ARHGAP32: variants seen among roughly 807,000 people sequenced by gnomAD.
ARHGAP32 encodes Rho GTPase activating protein 32.
In ARHGAP32, 51 loss-of-function variants were observed where a neutral mutation model predicts 186.5. That is an observed-to-expected ratio of 0.27 (90% CI 0.22 to 0.35). The LOEUF (loss-of-function observed/expected upper bound fraction) is 0.35, where lower values mean the gene tolerates loss of function less well. ARHGAP32 is among the 10% of genes least tolerant of loss of function. The pLI is 1.00. For synonymous variants in ARHGAP32, 950 were observed against 964.3 expected, an observed-to-expected ratio of 0.99 and a Z score of 0.27; for missense variants, 2,186 against 2,623.5, an observed-to-expected ratio of 0.83 and a Z score of 3.64.
At chr11:129,056,473 C>T (rs913076730) in intron 10 of ARHGAP32, among the ~76,000 whole-genome samples, 2 of 151,988 alleles carry the variant, frequency 1.3e-5, no homozygotes, top group East Asian at 1.9e-4. Flanking sequence ...TCTCAAATTC[C>T]GGGGTCCAAG....
rs1229188986 is a variant in ARHGAP32, at chr11:129,056,951, CAG to C, written c.963+5327_963+5328del. Among the ~76,000 whole-genome samples, 31 of 152,268 alleles carry C rather than the reference CAG, an allele frequency of 2.0e-4. 1 individual carries two copies. In the South Asian group the frequency reaches 6.4e-3, roughly 32 times the overall value. On this transcript the variant is annotated intron_variant, in intron 10 of 22. Coordinates refer to ENST00000682385, the MANE Select transcript of ARHGAP32 (RefSeq NM_001378024.1). ...CAATCCCTAGGAAAACCACCGGTGA[CAG>C]CCAACACCAAGACGAGGCCCTCGTT... is the stretch of plus-strand genomic sequence containing the variant.
intron 1 of ARHGAP32, among the ~76,000 whole-genome samples, chr11:129,239,663 GA>G (rs1392353739): frequency 6.7e-6 from 1 of 148,958 alleles, no homozygotes; most frequent in Non-Finnish European, 1.5e-5. Flanking sequence ...ATCTCTAATG[GA>G]CCCCCTCACT....
chr11:128,988,216 T>C (rs1282495073), intron 12 of ARHGAP32, 91 bp from the exon 13 acceptor site: 14 of 929,856 alleles, frequency 1.5e-5, no homozygotes, highest in Non-Finnish European at 2.1e-5. Context: ...TTTACAAAAG[T>C]AAAATAAAAT....
At chr11:129,073,599 A>C (rs1357589695) in intron 6 of ARHGAP32, among the ~76,000 whole-genome samples, 1 of 152,112 alleles carries the variant, frequency 6.6e-6, no homozygotes, top group African/African-American at 2.4e-5. Flanking sequence ...AAAACTATAA[A>C]AGGTATGATA....
intron 1 of ARHGAP32, among the ~76,000 whole-genome samples, chr11:129,173,944 T>C (rs951616054): frequency 1.3e-5 from 2 of 152,138 alleles, no homozygotes; most frequent in South Asian, 4.1e-4. Context: ...GGAGCCAAGA[T>C]GGCCAAATAG....
intron 10 of ARHGAP32, among the ~76,000 whole-genome samples, chr11:129,060,336 CATAGATAGATAGATAG>C (rs60434028): frequency 0.1 from 14,845 of 148,502 alleles, 817 homozygotes; most frequent in Middle Eastern, 0.15. Context: ...AGGTGTTACA[CATAGATAGATAGATAG>C]ATAGATAGAT....
intron 12 of ARHGAP32, among the ~76,000 whole-genome samples, chr11:128,988,348 G>T (rs1358486557): frequency 6.6e-6 from 1 of 152,182 alleles, no homozygotes; most frequent in Non-Finnish European, 1.5e-5. Flanking sequence ...CTGGTTCTAT[G>T]TCATGATATT....
intron 11 of ARHGAP32, among the ~76,000 whole-genome samples, chr11:129,010,297 T>A (rs930317649): frequency 6.6e-6 from 1 of 152,240 alleles, no homozygotes; most frequent in Non-Finnish European, 1.5e-5. Flanking sequence ...TTTAGTTTAA[T>A]TAGATCCCAT....
chr11:129,141,113 C>T (rs909032275), intron 2 of ARHGAP32, among the ~76,000 whole-genome samples: 1 of 152,042 alleles, frequency 6.6e-6, no homozygotes, highest in Non-Finnish European at 1.5e-5. Flanking sequence ...AATGGAAAAG[C>T]AAGGAAATAT....
Position 128,969,709 on chromosome 11 carries a change from G to A in ARHGAP32, c.5504C>T (p.Pro1835Leu), listed in dbSNP as rs1305483868. ...ESRHAAKAIS[P>L]EGEDRFYRRH... ...CCTATAGAAGCGGTCCTCTCCCTCG[G>A]GACTGATGGCCTTGGCTGCATGGCG... The change falls in exon 23 of 23, where the codon CCC (proline) becomes CTC (leucine). Residue 1835 changes from proline (P) to leucine (L), a missense_variant. By Grantham distance (98) the Pro-to-Leu change is moderately conservative. Around this residue, in one of 5 missense-constraint regions of ARHGAP32, gnomAD observed 1,502 missense variants for 1,570.0 expected, o/e 0.96. Coordinates refer to ENST00000682385, the MANE Select transcript of ARHGAP32 (RefSeq NM_001378024.1). The surrounding 1 kb of genome is among the most constrained non-coding windows in gnomAD (Gnocchi z 4.8). 1 of 1,614,126 alleles carries A rather than the reference G, an allele frequency of 6.2e-7. No individual in the cohort carries two copies. Among genetic ancestry groups the A allele is most frequent in the Non-Finnish European group, 8.5e-7 (1 of 1,180,026 alleles).
intron 6 of ARHGAP32, among the ~76,000 whole-genome samples, chr11:129,092,347 T>C (rs183486582): frequency 1.1e-3 from 169 of 152,068 alleles, no homozygotes; most frequent in African/African-American, 3.8e-3. Flanking sequence ...TCTTAGGTTG[T>C]AGAGGGATTA....
chr11:129,167,808 C>T (rs1343318022), intron 1 of ARHGAP32, among the ~76,000 whole-genome samples: 4 of 152,018 alleles, frequency 2.6e-5, no homozygotes, highest in East Asian at 1.9e-4. Context: ...CAGTGGTTTT[C>T]GTATAACTTC....
intron 8 of ARHGAP32, among the ~76,000 whole-genome samples, chr11:129,064,330 C>T (rs778309354): frequency 2.7e-4 from 41 of 152,050 alleles, no homozygotes; most frequent in Non-Finnish European, 4.0e-4. Flanking sequence ...AAGATCTCAA[C>T]GCAGGTTGGC....
chr11:129,235,870 G>T (rs1944921776), intron 1 of ARHGAP32, among the ~76,000 whole-genome samples: 2 of 148,162 alleles, frequency 1.3e-5, no homozygotes, highest in Non-Finnish European at 3.0e-5. Flanking sequence ...TTCCATCCAG[G>T]TTGCTGCAAA....
intron 11 of ARHGAP32, among the ~76,000 whole-genome samples, chr11:129,028,696 A>G (rs780763247): frequency 4.6e-5 from 7 of 152,232 alleles, no homozygotes; most frequent in South Asian, 2.1e-4. Context: ...AATTTAGTGA[A>G]TATGTGAAAT....
chr11:129,229,269 G>C (rs1944826782), intron 1 of ARHGAP32, among the ~76,000 whole-genome samples: 1 of 152,140 alleles, frequency 6.6e-6, no homozygotes, highest in South Asian at 2.1e-4. Context: ...AGTGTGTACT[G>C]ACAGAAAACC....
chr11:129,034,415 T>C (rs1939239048), intron 11 of ARHGAP32, among the ~76,000 whole-genome samples: 1 of 152,134 alleles, frequency 6.6e-6, no homozygotes, highest in Non-Finnish European at 1.5e-5. Flanking sequence ...TTTCCAGAAG[T>C]TAATGCCTCA....
intron 5 of ARHGAP32, among the ~76,000 whole-genome samples, chr11:129,111,745 T>C (rs1942222636): frequency 6.6e-6 from 1 of 152,064 alleles, no homozygotes; most frequent in Non-Finnish European, 1.5e-5. Flanking sequence ...GTAATGTCTA[T>C]TTTTCTTTTA....
At chr11:129,061,769 T>C (rs1183250833) in intron 10 of ARHGAP32, among the ~76,000 whole-genome samples, 1 of 152,350 alleles carries the variant, frequency 6.6e-6, no homozygotes, top group Non-Finnish European at 1.5e-5. Context: ...TTTCGAACCT[T>C]GGTTAACCTC....
Sources: allele counts gnomAD v4.1 joint callset (sites outside exome capture counted in the v4.1 genomes callset), GRCh38; gene constraint gnomAD v4.1.1; regional missense constraint gnomAD v4.1.1; non-coding constraint Gnocchi (gnomAD v3.1); transcripts MANE v1.5; gene names NCBI Gene and HGNC (gene_info 2026-07-23, HGNC 2026-07-21).